KIAA0825: variants seen among roughly 807,000 people sequenced by gnomAD.
KIAA0825 encodes uncharacterized protein KIAA0825.
A neutral mutation model predicts 147.6 loss-of-function variants in KIAA0825; 119 were observed. That is an observed-to-expected ratio of 0.81 (90% confidence interval 0.69 to 0.94). The LOEUF is 0.94. Among genes scored for constraint, KIAA0825 ranks in the 40% least tolerant of loss-of-function variants. The pLI is 0.00. For synonymous variants in KIAA0825, 470 were observed against 518.1 expected, an observed-to-expected ratio of 0.91 and a Z score of 1.26; for missense variants, 1,381 against 1,472.7, an observed-to-expected ratio of 0.94 and a Z score of 1.02.
intron 20 of KIAA0825, among the ~76,000 whole-genome samples, chr5:94,360,601 C>T (rs1744929225): frequency 1.3e-5 from 2 of 152,200 alleles, no homozygotes; most frequent in Non-Finnish European, 2.9e-5. Context: ...CATGCATTAG[C>T]ATGCTAAAAG....
chr5:94,183,941 G>A (rs1271546048), intron 20 of KIAA0825, among the ~76,000 whole-genome samples: 4 of 152,160 alleles, frequency 2.6e-5, no homozygotes, highest in African/African-American at 7.2e-5. Context: ...TGAGTTGTGG[G>A]AACCCCAGAT....
intron 1 of KIAA0825, chr5:94,617,972 C>T (rs1277093803): frequency 1.3e-5 from 2 of 152,244 alleles, no homozygotes; most frequent in African/African-American, 4.8e-5. Context: ...GCCATGAAAA[C>T]AAAGACCGTT....
chr5:94,513,415 A>G (rs1766782454), intron 5 of KIAA0825, among the ~76,000 whole-genome samples: 1 of 152,190 alleles, frequency 6.6e-6, no homozygotes, highest in Admixed American at 6.5e-5. Flanking sequence ...GGATATAGCA[A>G]GTGAAATATT....
At chr5:94,445,515 G>T (rs1173117607) in intron 13 of KIAA0825, among the ~76,000 whole-genome samples, 2 of 152,108 alleles carry the variant, frequency 1.3e-5, no homozygotes, top group African/African-American at 2.4e-5. Context: ...TTGTATTTAT[G>T]TCTCAACATC....
chr5:94,309,841 T>C (rs954783853), intron 20 of KIAA0825, among the ~76,000 whole-genome samples: 14 of 151,582 alleles, frequency 9.2e-5, no homozygotes, highest in Middle Eastern at 6.8e-3. Context: ...CAGAGAGGGG[T>C]TGAGGTGCTC....
intron 18 of KIAA0825, among the ~76,000 whole-genome samples, chr5:94,388,417 G>A (rs1188081245): frequency 1.3e-5 from 2 of 152,040 alleles, no homozygotes; most frequent in Non-Finnish European, 2.9e-5. Flanking sequence ...GGTCACACAT[G>A]GACTCTTACT....
At chr5:94,453,410 C>T (rs955138012) in intron 12 of KIAA0825, among the ~76,000 whole-genome samples, 1 of 150,364 alleles carries the variant, frequency 6.7e-6, no homozygotes, top group African/African-American at 2.5e-5. Flanking sequence ...TGGTCTCGAA[C>T]CCCTGAACTC....
chr5:94,359,952 A>G (rs1467653201), intron 20 of KIAA0825, among the ~76,000 whole-genome samples: 1 of 152,206 alleles, frequency 6.6e-6, no homozygotes, highest in Non-Finnish European at 1.5e-5. Flanking sequence ...TTACAGCGCT[A>G]CAGAAAAATC....
intron 10 of KIAA0825, among the ~76,000 whole-genome samples, chr5:94,467,008 T>G (rs984206156): frequency 1.3e-5 from 2 of 152,158 alleles, no homozygotes; most frequent in African/African-American, 4.8e-5. Context: ...GTGATCAAAA[T>G]GATTTCTCAT....
intron 10 of KIAA0825, among the ~76,000 whole-genome samples, chr5:94,465,736 C>CTTT (rs1203087852): frequency 3.3e-5 from 5 of 152,174 alleles, no homozygotes; most frequent in African/African-American, 1.2e-4. Flanking sequence ...ACACTTCATA[C>CTTT]TTTTAAAGAG....
chr5:94,265,392 TA>T (rs1296998452), intron 20 of KIAA0825, among the ~76,000 whole-genome samples: 1 of 152,184 alleles, frequency 6.6e-6, no homozygotes, highest in South Asian at 2.1e-4. Flanking sequence ...TTCACTGTGT[TA>T]AAATTTGCAC....
chr5:94,162,424 C>T (rs1767669801), intron 20 of KIAA0825, among the ~76,000 whole-genome samples: 1 of 151,960 alleles, frequency 6.6e-6, no homozygotes, highest in Admixed American at 6.6e-5. Flanking sequence ...CTCAGCCTCC[C>T]AGGTAGCTAG....
intron 20 of KIAA0825, among the ~76,000 whole-genome samples, chr5:94,330,512 G>A (rs1781158322): frequency 6.6e-6 from 1 of 152,058 alleles, no homozygotes; most frequent in South Asian, 2.1e-4. Flanking sequence ...AATATTTTTA[G>A]TTAAATAAAA....
intron 2 of KIAA0825, among the ~76,000 whole-genome samples, chr5:94,542,470 T>C (rs1250419718): frequency 5.3e-5 from 8 of 152,222 alleles, no homozygotes; most frequent in Admixed American, 5.2e-4. Context: ...TTTGTGAATG[T>C]TCTTAATTTA....
At chr5:94,578,162 T>A (rs994143794) in intron 2 of KIAA0825, among the ~76,000 whole-genome samples, 4 of 152,246 alleles carry the variant, frequency 2.6e-5, no homozygotes, top group Non-Finnish European at 4.4e-5. Context: ...CCAAGAAGTA[T>A]GAGATGTGAA....
At chr5:94,261,273 A>G (rs1776480594) in intron 20 of KIAA0825, among the ~76,000 whole-genome samples, 1 of 152,172 alleles carries the variant, frequency 6.6e-6, no homozygotes, top group Non-Finnish European at 1.5e-5. Context: ...ATTGCACTCT[A>G]GAGCCAGGGT....
chr5:94,176,577 T>C (rs1274303617), intron 20 of KIAA0825, among the ~76,000 whole-genome samples: 1 of 152,120 alleles, frequency 6.6e-6, no homozygotes, highest in East Asian at 1.9e-4. Context: ...TCTTTTCATT[T>C]ATAAGCACTA....
chr5:94,567,829 C>T lies in KIAA0825; in HGVS notation c.-2+14604G>A, dbSNP rs1477304378. The T allele has an allele frequency of 1.3e-5, 2 of 155,054 alleles. 1 individual carries two copies. Among genetic ancestry groups the T allele is most frequent in the South Asian group, 4.0e-4 (2 of 4,968 alleles). 9.6% of individuals were successfully genotyped at this position (155,054 alleles called of 1,614,324 possible). Reference sequence around the variant, plus strand: ...CTCAATTAGGTCTTCATCCCTGACTCCCCTCAGCCATAGAAGGCCCTACCC... The same window carrying T: ...CTCAATTAGGTCTTCATCCCTGACTTCCCTCAGCCATAGAAGGCCCTACCC... On this transcript the variant is annotated intron_variant, in intron 2 of 20. Transcript: ENST00000682413.
intron 15 of KIAA0825, among the ~76,000 whole-genome samples, chr5:94,410,998 G>A (rs192346210): frequency 2.6e-4 from 39 of 152,002 alleles, no homozygotes; most frequent in Middle Eastern, 3.4e-3. Context: ...AATATTTGGA[G>A]CAAAAATAAA....
Sources: gnomAD v4.1 joint callset for allele counts (sites outside exome capture counted in the v4.1 genomes callset) on GRCh38, gnomAD v4.1.1 for gene constraint, MANE v1.5 for transcripts, NCBI Gene and HGNC (gene_info 2026-07-23, HGNC 2026-07-21) for gene names.